Variants in EIF2B3 observed in about 807,000 individuals in gnomAD.
EIF2B3 encodes the protein eukaryotic translation initiation factor 2B subunit gamma, also known as translation initiation factor eIF2B subunit gamma.
Under a neutral mutation model 54.1 loss-of-function variants are expected in EIF2B3, and 20 were observed. That is an observed-to-expected ratio of 0.37 (90% CI 0.26 to 0.54). The LOEUF is 0.54. EIF2B3 is among the 20% of genes least tolerant of loss of function. The pLI is 0.86. For synonymous variants in EIF2B3, 153 were observed against 188.1 expected, an observed-to-expected ratio of 0.81 and a Z score of 1.52; for missense variants, 448 against 547.8, an observed-to-expected ratio of 0.82 and a Z score of 1.82.
intron 5 of EIF2B3, among the ~76,000 whole-genome samples, chr1:44,905,007 A>G (rs1643387171): frequency 6.6e-6 from 1 of 152,172 alleles, no homozygotes; most frequent in East Asian, 1.9e-4. Flanking sequence ...AGCTACCTAT[A>G]ATTTTAACAA....
intron 10 of EIF2B3, among the ~76,000 whole-genome samples, chr1:44,872,614 T>C (rs1451314276): frequency 6.6e-6 from 1 of 151,862 alleles, no homozygotes; most frequent in Non-Finnish European, 1.5e-5. Context: ...CATGCCACTG[T>C]ACTCCAGCCT....
At position 44,943,713 on chromosome 1, in the gene EIF2B3, C is replaced by T. The variant is rs1644065184; in HGVS notation, c.295-2048G>A. Among the ~76,000 whole-genome samples the T allele has an allele frequency of 2.0e-5, 3 of 152,038 alleles. No individual in the cohort carries two copies. The South Asian group carries it at 6.2e-4, about 32-fold the overall frequency. On this transcript the variant is annotated intron_variant, in intron 3 of 11. Coordinates refer to ENST00000360403, the MANE Select transcript of EIF2B3 (RefSeq NM_020365.5). The stretch of plus-strand genomic sequence containing the variant: ...TGCTAGGAGTACAGGCGTGAGCCAC[C>T]GCGCCTAGCCCAGAGCTGTTATTAT...
At chr1:44,853,994 G>GTTTTTT (rs113200962) in intron 11 of EIF2B3, among the ~76,000 whole-genome samples, 9 of 137,464 alleles carry the variant, frequency 6.5e-5, no homozygotes, top group African/African-American at 5.7e-5. Flanking sequence ...AGCAGTTAGT[G>GTTTTTT]TTTTTTTTTT....
chr1:44,874,924 T>C (rs1573697072), intron 9 of EIF2B3, 98 bp from the exon 10 acceptor site: 2 of 1,450,468 alleles, frequency 1.4e-6, no homozygotes, highest in South Asian at 2.3e-5. Context: ...GATCTTTCCA[T>C]AGAGACACTT....
intron 1 of EIF2B3, among the ~76,000 whole-genome samples, chr1:44,986,135 T>TTC (rs1205529535): frequency 0.011 from 988 of 91,206 alleles, 13 homozygotes; most frequent in African/African-American, 0.012. Flanking sequence ...TTTCTTTTCT[T>TTC]TTCTTTTTTT....
At chr1:44,938,098 G>A (rs1473745577) in intron 4 of EIF2B3, among the ~76,000 whole-genome samples, 1 of 151,946 alleles carries the variant, frequency 6.6e-6, no homozygotes, top group Non-Finnish European at 1.5e-5. Flanking sequence ...CGCCATTTGA[G>A]GAAGTTGGGT....
At chr1:44,924,035 G>A (rs763983239) in intron 5 of EIF2B3, among the ~76,000 whole-genome samples, 22 of 150,558 alleles carry the variant, frequency 1.5e-4, no homozygotes, top group Non-Finnish European at 2.4e-4. Flanking sequence ...CTGCCTCCCA[G>A]GTTCATGCCA....
Position 44,926,638 on chromosome 1 carries a change from T to C in EIF2B3, c.556A>G (p.Ile186Val), listed in dbSNP as rs775973608. Residue 186 changes from isoleucine (I) to valine (V), a missense_variant, in exon 5 of 12, where the codon ATC (isoleucine) becomes GTC (valine). Transcript: ENST00000360403. ...AACCCTAGGGCTTACTTCTGTAGGA[T>C]GGATCCCTTAATGACCAGCTCTTCA... is the stretch of plus-strand genomic sequence containing the variant. ...LDEELVIKGS[I>V]LQKHPRIRFH... 7 of 1,613,850 alleles carry C rather than the reference T, an allele frequency of 4.3e-6. No individual in the cohort carries two copies. The highest frequency in any genetic ancestry group is 5.1e-6 in the Non-Finnish European group (6 of 1,179,844).
intron 5 of EIF2B3, among the ~76,000 whole-genome samples, chr1:44,917,509 GA>G (rs981120471): frequency 2.2e-3 from 314 of 143,794 alleles, no homozygotes; most frequent in Middle Eastern, 3.6e-3. Context: ...AAAAAAAAAA[GA>G]AAAAAAAATC....
Position 44,941,381 on chromosome 1 carries a change from T to A in EIF2B3, c.454+125A>T, listed in dbSNP as rs921178263. 7 of 1,163,502 alleles carry A rather than the reference T, an allele frequency of 6.0e-6. No individual in the cohort carries two copies. The African/African-American group carries it at 9.3e-5, about 15-fold the overall frequency. 72.1% of individuals were successfully genotyped at this position (1,163,502 alleles called of 1,614,324 possible). ...CTGTGTCTTATTTGACTTTATGTCA[T>A]CAACTCCTAGCACAGAATCTGTGAT... On this transcript the variant is annotated intron_variant, in intron 4 of 11. Coordinates refer to ENST00000360403, the MANE Select transcript of EIF2B3 (RefSeq NM_020365.5).
At chr1:44,956,216 G>C (rs1170883975) in intron 3 of EIF2B3, among the ~76,000 whole-genome samples, 1 of 152,136 alleles carries the variant, frequency 6.6e-6, no homozygotes, top group Non-Finnish European at 1.5e-5. Flanking sequence ...CCTTTGCAGA[G>C]ACATGGATGA....
At chr1:44,983,203 T>A (rs2148967010) in intron 1 of EIF2B3, among the ~76,000 whole-genome samples, 1 of 152,352 alleles carries the variant, frequency 6.6e-6, no homozygotes, top group South Asian at 2.1e-4. Context: ...CATGAGCCAC[T>A]GCACCTGACC....
chr1:44,937,882 TCA>T (rs1643971177), intron 4 of EIF2B3, among the ~76,000 whole-genome samples: 2 of 24,760 alleles, frequency 8.1e-5, no homozygotes, highest in Non-Finnish European at 1.4e-4. Flanking sequence ...AGACTCCGTC[TCA>T]AAAAAAAAAA....
intron 10 of EIF2B3, among the ~76,000 whole-genome samples, chr1:44,865,653 C>T (rs1313104495): frequency 6.6e-6 from 1 of 151,802 alleles, no homozygotes; most frequent in Non-Finnish European, 1.5e-5. Context: ...GCGAACTGGG[C>T]TCACTGCAAC....
At chr1:44,984,638 A>G (rs1040374971) in intron 1 of EIF2B3, among the ~76,000 whole-genome samples, 2 of 152,064 alleles carry the variant, frequency 1.3e-5, no homozygotes, top group African/African-American at 2.4e-5. Flanking sequence ...TTCTAGCTCT[A>G]CTATTTATTA....
At chr1:44,900,562 T>A (rs2148916379) in intron 5 of EIF2B3, among the ~76,000 whole-genome samples, 1 of 151,122 alleles carries the variant, frequency 6.6e-6, no homozygotes, top group South Asian at 2.1e-4. Flanking sequence ...ACTACCTGGG[T>A]GATGGGTTCA....
At chr1:44,973,299 G>A (rs1644420975) in intron 3 of EIF2B3, among the ~76,000 whole-genome samples, 1 of 152,212 alleles carries the variant, frequency 6.6e-6, no homozygotes, top group Admixed American at 6.5e-5. Context: ...GGCAACCCAA[G>A]TGTCCGTGGA....
intron 3 of EIF2B3, among the ~76,000 whole-genome samples, chr1:44,963,784 G>C (rs1644309109): frequency 6.6e-6 from 1 of 152,192 alleles, no homozygotes; most frequent in Non-Finnish European, 1.5e-5. Context: ...TCAAAGTCAT[G>C]CAGGCTGCTT....
chr1:44,966,898 C>T (rs187454983), intron 3 of EIF2B3, among the ~76,000 whole-genome samples: 2 of 152,014 alleles, frequency 1.3e-5, no homozygotes, highest in African/African-American at 4.8e-5. Context: ...CTCAGCTCAC[C>T]GCAACCTCCG....
Sources: allele counts gnomAD v4.1 joint callset (sites outside exome capture counted in the v4.1 genomes callset), GRCh38; gene constraint gnomAD v4.1.1; transcripts MANE v1.5; gene names NCBI Gene and HGNC (gene_info 2026-07-23, HGNC 2026-07-21).